The following TMEM232 variants were observed in gnomAD, a reference collection of about 807,000 sequenced individuals.
TMEM232 encodes the protein transmembrane protein 232.
TMEM232 carries 80 observed loss-of-function variants against 78.8 expected under a neutral mutation model. That is an observed-to-expected ratio of 1.01 (90% CI 0.85 to 1.22). The LOEUF is 1.22. Among genes scored for constraint, TMEM232 ranks in the 50% most tolerant of loss-of-function variants. TMEM232 has a pLI of 0.00. For synonymous variants in TMEM232, 297 were observed against 254.3 expected, an observed-to-expected ratio of 1.17 and a Z score of -1.60; for missense variants, 881 against 742.2, an observed-to-expected ratio of 1.19 and a Z score of -2.17.
chr5:110,651,268 A>T (rs1788261074), intron 2 of TMEM232, among the ~76,000 whole-genome samples: 4 of 152,182 alleles, frequency 2.6e-5, no homozygotes, highest in Admixed American at 2.0e-4. Flanking sequence ...GTGAAAATTT[A>T]ACTAGAGTGA....
At chr5:110,451,665 CTT>C (rs1760295396) in intron 12 of TMEM232, among the ~76,000 whole-genome samples, 2 of 151,994 alleles carry the variant, frequency 1.3e-5, no homozygotes, top group South Asian at 4.1e-4. Flanking sequence ...TAAAGTTTAA[CTT>C]AGGTGCCTTG....
At chr5:110,437,782 T>C (rs1758596991) in intron 12 of TMEM232, among the ~76,000 whole-genome samples, 1 of 152,116 alleles carries the variant, frequency 6.6e-6, no homozygotes, top group Non-Finnish European at 1.5e-5. Context: ...GGTAATTTGA[T>C]GAATACGAAG....
At chr5:110,691,751 C>T (rs77712298) in intron 1 of TMEM232, among the ~76,000 whole-genome samples, 4,843 of 152,230 alleles carry the variant, frequency 0.032, 210 homozygotes, top group African/African-American at 0.099. Flanking sequence ...CCCTACATAC[C>T]GTAACCACAT....
chr5:110,734,364 C>G (rs929518203), intron 2 of TMEM232, among the ~76,000 whole-genome samples: 22 of 152,178 alleles, frequency 1.4e-4, no homozygotes, highest in African/African-American at 5.3e-4. Context: ...GGCAAGCCAA[C>G]TGAGCAAAGC....
upstream of TMEM232, among the ~76,000 whole-genome samples, chr5:110,731,273 C>T (rs1304567276): frequency 6.6e-6 from 1 of 152,198 alleles, no homozygotes; most frequent in Non-Finnish European, 1.5e-5. Flanking sequence ...TGAATGTCTG[C>T]AGCTTCTCCA....
intron 12 of TMEM232, among the ~76,000 whole-genome samples, chr5:110,490,127 AAGAAAG>A (rs1186598683): frequency 1.7e-4 from 12 of 72,080 alleles, no homozygotes; most frequent in Non-Finnish European, 3.1e-4. Flanking sequence ...TTCAAAAAGA[AAGAAAG>A]AAAGAAAGAA....
intron 5 of TMEM232, among the ~76,000 whole-genome samples, chr5:110,629,613 C>A (rs114260930): frequency 6.6e-6 from 1 of 152,160 alleles, no homozygotes; most frequent in South Asian, 2.1e-4. Context: ...TTCATTCGAC[C>A]TTTACCTCCT....
chr5:110,445,108 A>AT (rs764215416), intron 12 of TMEM232, among the ~76,000 whole-genome samples: 4 of 151,922 alleles, frequency 2.6e-5, no homozygotes, highest in Non-Finnish European at 5.9e-5. Flanking sequence ...GAAAATAATA[A>AT]TTTTAGAGTT....
chr5:110,647,370 T>C (rs77124877), intron 2 of TMEM232, among the ~76,000 whole-genome samples: 1 of 152,084 alleles, frequency 6.6e-6, no homozygotes, highest in African/African-American at 2.4e-5. Flanking sequence ...CATAGTAATA[T>C]GCACTTACAC....
At chr5:110,577,890 A>T (rs1342089593) in intron 10 of TMEM232, among the ~76,000 whole-genome samples, 1 of 151,900 alleles carries the variant, frequency 6.6e-6, no homozygotes, top group Non-Finnish European at 1.5e-5. Context: ...GGGTGGGAGG[A>T]GGGAGAAGAT....
At chr5:110,735,549 G>A (rs1173742755) in intron 1 of TMEM232, among the ~76,000 whole-genome samples, 2 of 152,028 alleles carry the variant, frequency 1.3e-5, no homozygotes, top group African/African-American at 4.8e-5. Context: ...TAATATTTTA[G>A]TCATTTTAAT....
chr5:110,403,983 G>A (rs1033851152), intron 2 of TMEM232, among the ~76,000 whole-genome samples: 2 of 151,812 alleles, frequency 1.3e-5, no homozygotes, highest in African/African-American at 4.8e-5. Flanking sequence ...TGTGGGTGCG[G>A]GGTAGGACTT....
intron 12 of TMEM232, among the ~76,000 whole-genome samples, chr5:110,426,637 C>T (rs540714067): frequency 6.6e-6 from 1 of 151,922 alleles, no homozygotes; most frequent in South Asian, 2.1e-4. Context: ...AACCCTCTCC[C>T]AACTTAATTA....
At chr5:110,395,968 G>C (rs895906459) in intron 3 of TMEM232, among the ~76,000 whole-genome samples, 2 of 152,174 alleles carry the variant, frequency 1.3e-5, no homozygotes, top group Admixed American at 6.6e-5. Flanking sequence ...ATATAAGATA[G>C]AAGGAGCCTC....
At chr5:110,676,515 C>G (rs574362525) in intron 1 of TMEM232, among the ~76,000 whole-genome samples, 1 of 152,046 alleles carries the variant, frequency 6.6e-6, no homozygotes, top group Non-Finnish European at 1.5e-5. Context: ...AAGCGATCCT[C>G]CCGCTTTGGC....
At position 110,605,234 on chromosome 5, in the gene TMEM232, C is replaced by A. The variant is rs1042474901; in HGVS notation, c.1151G>T (p.Gly384Val). 8.4e-6 allele frequency: 13 copies of A among 1,550,942 alleles called. No individual in the cohort carries two copies. The highest frequency in any genetic ancestry group is 9.6e-6 in the Non-Finnish European group (11 of 1,146,694). Residue 384 changes from glycine to valine, a missense_variant, in exon 10 of 14, where the codon GGT becomes GTT. By Grantham distance (109) the Gly-to-Val change is moderately radical (BLOSUM62 -3). Coordinates refer to ENST00000455884, the MANE Select transcript of TMEM232 (RefSeq NM_001039763.4). ...TTGTGAACTTTTACAGTGACAGAAA[C>A]CAATTAAAGCAGTTTTTCGCAAATC... ...TSDLRKTALI[G>V]FCHCKSSQKN...
intron 12 of TMEM232, among the ~76,000 whole-genome samples, chr5:110,453,390 C>T (rs978967430): frequency 2.0e-5 from 3 of 152,096 alleles, no homozygotes; most frequent in African/African-American, 7.2e-5. Context: ...CAACCTCTGA[C>T]TCCCTGGTTC....
upstream of TMEM232, chr5:110,738,873 T>C (rs1052632584): frequency 4.9e-5 from 45 of 913,970 alleles, no homozygotes; most frequent in African/African-American, 1.7e-5. Flanking sequence ...ACCTATTCCC[T>C]AACGACAACA....
intron 12 of TMEM232, among the ~76,000 whole-genome samples, chr5:110,469,725 C>A (rs563656695): frequency 6.6e-6 from 1 of 152,172 alleles, no homozygotes; most frequent in Non-Finnish European, 1.5e-5. Flanking sequence ...TCAGCCTGAG[C>A]TGAAATGACA....
Sources: allele counts gnomAD v4.1 joint callset (sites outside exome capture counted in the v4.1 genomes callset), GRCh38; gene constraint gnomAD v4.1.1; transcripts MANE v1.5; gene names NCBI Gene and HGNC (gene_info 2026-07-23, HGNC 2026-07-21).